RNF220: variants seen among roughly 807,000 people sequenced by gnomAD.
The protein encoded by RNF220 is ring finger protein 220.
Under a neutral mutation model 67.1 loss-of-function variants are expected in RNF220, and 7 were observed. That is an observed-to-expected ratio of 0.10 (90% CI 0.06 to 0.20). RNF220 has a LOEUF of 0.20. Ranked by LOEUF, RNF220 falls within the 10% of genes least tolerant of loss-of-function variation. The probability of loss-of-function intolerance (pLI) is 1.00; values close to 1 mark genes in which losing one functional copy is unlikely to be tolerated. For synonymous variants in RNF220, 270 were observed against 283.2 expected (o/e 0.95, Z 0.47); for missense variants, 565 against 740.3 (o/e 0.76, Z 2.75).
Position 44,650,054 on chromosome 1 carries a change from A to C in RNF220, c.1629+97A>C. ...AGCCTGCCTGGGGGAAGTGGGGAGC[A>C]TGGCGCAAAGGAGAACAGAGCCAGG... On this transcript the variant is annotated intron_variant, in intron 14 of 14. Transcript: ENST00000361799. This position sits in a 1 kb window ranked among gnomAD's most constrained non-coding sequence, Gnocchi z 4.3. 1 of 1,323,894 alleles carries C rather than the reference A, an allele frequency of 7.6e-7. No homozygotes were observed. Among genetic ancestry groups the C allele is most frequent in the South Asian group, 1.3e-5 (1 of 79,704 alleles). 82.0% of individuals were successfully genotyped at this position (1,323,894 alleles called of 1,614,324 possible).
intron 2 of RNF220, among the ~76,000 whole-genome samples, chr1:44,448,964 G>C (rs1407195875): frequency 6.6e-6 from 1 of 152,194 alleles, no homozygotes; most frequent in Admixed American, 6.5e-5. Context: ...CTCTAGCTCT[G>C]TCCTCTCCAA....
Position 44,439,671 on chromosome 1 carries a change from C to G in RNF220, c.625+26949C>G, listed in dbSNP as rs569844552. Among the ~76,000 whole-genome samples the G allele has an allele frequency of 5.3e-5, 8 of 151,426 alleles. No homozygotes were observed. The East Asian group carries it at 1.5e-3, about 29-fold the overall frequency. On this transcript the variant is annotated intron_variant, in intron 2 of 14. Transcript: ENST00000361799. The stretch of plus-strand genomic sequence containing the variant: ...CATTTTTTTTTCCCTTTTGGCTTAT[C>G]CTTAGAAAGCTGTAAGGCCACTTCT...
rs1327851533 is a variant in RNF220, at chr1:44,649,075, T to G, written c.1446-586T>G. 1 of 160,966 alleles carries G rather than the reference T, an allele frequency of 6.2e-6. No individual in the cohort carries two copies. Among genetic ancestry groups the G allele is most frequent in the African/African-American group, 2.4e-5 (1 of 41,450 alleles). The allele number at this position is 160,966 out of a possible 1,614,324, so 10.0% of individuals were successfully genotyped here. A position where few individuals can be genotyped will look rare whatever the true frequency, so the allele number is the denominator to read the frequency against. On this transcript the variant is annotated intron_variant, in intron 12 of 14. Coordinates refer to ENST00000361799, the MANE Select transcript of RNF220 (RefSeq NM_018150.4). The surrounding 1 kb of genome is among the most constrained non-coding windows in gnomAD (Gnocchi z 5.9). Reference sequence around the variant, plus strand: ...GCAGTGAAAAAGGTGGCGTGGATGGTGACACATAGGAGTCGAGCATAAAAT... The same window carrying G: ...GCAGTGAAAAAGGTGGCGTGGATGGGGACACATAGGAGTCGAGCATAAAAT...
rs561154845 is a variant in RNF220, at chr1:44,508,598, G to A, written c.625+95876G>A. Among the ~76,000 whole-genome samples, 5 of 152,280 alleles carry A rather than the reference G, an allele frequency of 3.3e-5. No homozygotes were observed. The East Asian group carries it at 7.7e-4, about 24-fold the overall frequency. ...TCCTGTCTCATTGGCACCACAGAAC[G>A]TAACACAACCAGAAGTCAGAGTCAG... On this transcript the variant is annotated intron_variant, in intron 2 of 14. Transcript: ENST00000361799.
intron 2 of RNF220, among the ~76,000 whole-genome samples, chr1:44,564,189 T>C (rs1341846128): frequency 6.6e-6 from 1 of 152,076 alleles, no homozygotes; most frequent in Non-Finnish European, 1.5e-5. Flanking sequence ...ATCAGAGAAA[T>C]GTTTCTCAAA....
intron 2 of RNF220, among the ~76,000 whole-genome samples, chr1:44,505,381 G>A (rs183196646): frequency 6.6e-6 from 1 of 152,184 alleles, no homozygotes; most frequent in Non-Finnish European, 1.5e-5. Flanking sequence ...TGGCCAGCTG[G>A]CCTCTCCGCC....
intron 2 of RNF220, among the ~76,000 whole-genome samples, chr1:44,438,745 A>G (rs1651243225): frequency 6.6e-6 from 1 of 152,254 alleles, no homozygotes; most frequent in South Asian, 2.1e-4. Context: ...TAGAGGAGAA[A>G]GAGAATAAAA....
upstream of RNF220, chr1:44,405,190 TGTGTGCGTGCGTGTGTGTGTGCGCGC>T (rs1396217376): frequency 6.5e-6 from 2 of 306,662 alleles, no homozygotes; most frequent in Non-Finnish European, 1.2e-5. Flanking sequence ...TGTGAGAGAA[TGTGTGCGTGCGTGTGTGTGTGCGCGC>T]GTGTGTGTGT....
chr1:44,456,312 CT>C (rs1653175643), intron 2 of RNF220, among the ~76,000 whole-genome samples: 1 of 152,180 alleles, frequency 6.6e-6, no homozygotes, highest in African/African-American at 2.4e-5. Context: ...GGACAGATGT[CT>C]TTTCCCTTCA....
At chr1:44,595,144 A>G (rs1189604865) in intron 2 of RNF220, among the ~76,000 whole-genome samples, 1 of 152,202 alleles carries the variant, frequency 6.6e-6, no homozygotes, top group Non-Finnish European at 1.5e-5. Flanking sequence ...TGCGTTTTAG[A>G]TTAACCTCCA....
chr1:44,582,794 C>T (rs551295078), intron 2 of RNF220, among the ~76,000 whole-genome samples: 14 of 148,830 alleles, frequency 9.4e-5, no homozygotes, highest in East Asian at 7.8e-4. Context: ...GAGGCCGAGG[C>T]GGGTGGATCA....
In RNF220 at chr1:44,644,812, T is replaced by C. The variant is rs200299898; in HGVS notation, c.1223+18T>C. The C allele has an allele frequency of 6.9e-6, 11 of 1,596,246 alleles. No individual in the cohort carries two copies. The highest frequency in any genetic ancestry group is 1.7e-4 in the Middle Eastern group (1 of 6,030). Reference sequence around the variant, plus strand: ...AAGCCACAGTATCCTTGGAGCACTATGGGGGCTGGTGGGGCTGATAGGGCA... The same window carrying C: ...AAGCCACAGTATCCTTGGAGCACTACGGGGGCTGGTGGGGCTGATAGGGCA... On this transcript the variant is annotated intron_variant, in intron 9 of 14. Transcript: ENST00000361799.
chr1:44,411,872 C>G, intron 1 of RNF220, 109 bp from the exon 2 acceptor site: 2 of 524,458 alleles, frequency 3.8e-6, no homozygotes. Flanking sequence ...GTCTCTTGCC[C>G]GAGCATCTGT....
At chr1:44,491,748 C>T (rs940872489) in intron 2 of RNF220, among the ~76,000 whole-genome samples, 4 of 151,994 alleles carry the variant, frequency 2.6e-5, no homozygotes, top group Non-Finnish European at 5.9e-5. Context: ...ACTGCAAACT[C>T]TGTCTCTTTG....
intron 1 of RNF220, 36 bp downstream of exon 1, chr1:44,405,566 G>A (rs1647252400): frequency 8.4e-6 from 3 of 355,584 alleles, no homozygotes; most frequent in Non-Finnish European, 1.5e-5. Context: ...ACGTGTGTGC[G>A]TACCCAAGAG....
At chr1:44,525,521 C>T (rs79378255) in intron 2 of RNF220, among the ~76,000 whole-genome samples, 15 of 152,194 alleles carry the variant, frequency 9.9e-5, no homozygotes, top group African/African-American at 3.4e-4. Flanking sequence ...GTTTACCCCC[C>T]TACTACTGTA....
intron 2 of RNF220, among the ~76,000 whole-genome samples, chr1:44,481,344 T>C (rs1175455837): frequency 6.6e-6 from 1 of 152,008 alleles, no homozygotes; most frequent in African/African-American, 2.4e-5. Context: ...GGGAATCACT[T>C]GAGCTCAGGA....
At chr1:44,498,776 T>G (rs1268116675) in intron 2 of RNF220, among the ~76,000 whole-genome samples, 1 of 152,122 alleles carries the variant, frequency 6.6e-6, no homozygotes, top group Non-Finnish European at 1.5e-5. Flanking sequence ...ATTCGGTAGG[T>G]CTAGAGACCC....
chr1:44,623,616 A>G lies in RNF220; in HGVS notation c.804+829A>G, dbSNP rs567010734. Among the ~76,000 whole-genome samples, 7 of 152,274 alleles carry G rather than the reference A, an allele frequency of 4.6e-5. No individual in the cohort carries two copies. The South Asian group carries it at 1.4e-3, about 32-fold the overall frequency. On this transcript the variant is annotated intron_variant, in intron 4 of 14. Transcript: ENST00000361799. The stretch of plus-strand genomic sequence containing the variant: ...CAGGAGGCCACCCCTAGCCCATTTT[A>G]TAGGGAGTGAGGAATGACTATGGAA...
Sources: allele counts gnomAD v4.1 joint callset (sites outside exome capture counted in the v4.1 genomes callset), GRCh38; gene constraint gnomAD v4.1.1; non-coding constraint Gnocchi (gnomAD v3.1); transcripts MANE v1.5; gene names NCBI Gene and HGNC (gene_info 2026-07-23, HGNC 2026-07-21).